Variants in TTC3 observed in about 807,000 individuals in gnomAD.
TTC3 encodes the protein E3 ubiquitin-protein ligase TTC3.
TTC3 carries 180 observed loss-of-function variants against 249.6 expected under a neutral mutation model. That is an observed-to-expected ratio of 0.72 (90% CI 0.64 to 0.82). The LOEUF (loss-of-function observed/expected upper bound fraction) is 0.82, where lower values mean the gene tolerates loss of function less well. Ranked by LOEUF, TTC3 falls within the 40% of genes least tolerant of loss-of-function variation. The probability of loss-of-function intolerance (pLI) is 0.00; values close to 1 mark genes in which losing one functional copy is unlikely to be tolerated. For missense variants in TTC3, 2,061 were observed against 2,398.4 expected, an observed-to-expected ratio of 0.86 and a Z score of 2.94; for synonymous variants, 717 against 805.0, an observed-to-expected ratio of 0.89 and a Z score of 1.85.
intron 20 of TTC3, among the ~76,000 whole-genome samples, chr21:37,144,079 A>C (rs2147977011): frequency 6.6e-6 from 1 of 151,320 alleles, no homozygotes; most frequent in East Asian, 2.0e-4. Context: ...AACATCACAC[A>C]CTGGGGCCTG....
intron 40 of TTC3, 69 bp from the exon 41 acceptor site, chr21:37,192,043 A>G (rs1338718173): frequency 7.4e-6 from 7 of 939,634 alleles, no homozygotes; most frequent in Non-Finnish European, 1.1e-5. Flanking sequence ...TTTCATTTAT[A>G]ATGTGTAGGA....
chr21:37,104,704 T>C (rs2147778341), intron 10 of TTC3, among the ~76,000 whole-genome samples: 1 of 151,818 alleles, frequency 6.6e-6, no homozygotes, highest in East Asian at 1.9e-4. Flanking sequence ...ATGGGAAACA[T>C]GTTTGGAATA....
chr21:37,128,888 A>G, intron 15 of TTC3, 115 bp from the exon 16 acceptor site: 6 of 669,394 alleles, frequency 9.0e-6, no homozygotes, highest in South Asian at 6.5e-5. Context: ...ACACCCACGT[A>G]CCACATTTCT....
exon 46 of TTC3, chr21:37,201,822 G>A: frequency 2.0e-6 from 1 of 499,716 alleles, no homozygotes; most frequent in East Asian, 3.9e-5. Context: ...GGCTGCGCAG[G>A]GCTCTTTGAG....
chr21:37,091,117 A>T (rs2073209886), intron 6 of TTC3, among the ~76,000 whole-genome samples, 176 bp from the exon 7 acceptor site: 1 of 152,184 alleles, frequency 6.6e-6, no homozygotes, highest in African/African-American at 2.4e-5. Context: ...GTATCTGTTA[A>T]TTTATATGTC....
chr21:37,144,730 G>A (rs1007773506), intron 21 of TTC3, 85 bp downstream of exon 21: 10 of 1,496,562 alleles, frequency 6.7e-6, no homozygotes, highest in Non-Finnish European at 8.9e-6. Flanking sequence ...CGGAGAGGTA[G>A]GAGCATTCCA....
intron 1 of TTC3, among the ~76,000 whole-genome samples, chr21:37,074,730 C>T (rs1212278898): frequency 6.6e-6 from 1 of 152,196 alleles, no homozygotes; most frequent in Non-Finnish European, 1.5e-5. Flanking sequence ...GGGTAAGAAA[C>T]TTCAAACCCC....
chr21:37,118,628 T>C (rs916634096), intron 11 of TTC3, among the ~76,000 whole-genome samples: 2 of 152,206 alleles, frequency 1.3e-5, no homozygotes, highest in African/African-American at 2.4e-5. Flanking sequence ...AATTGGCTCA[T>C]GTAACTGAGA....
At position 37,160,864 on chromosome 21, in the gene TTC3, G is replaced by A. The variant is rs1569102201; in HGVS notation, c.3096+6G>A. On this transcript the variant is annotated splice_donor_region_variant and intron_variant, in intron 30 of 45. Coordinates refer to ENST00000355666, the Ensembl canonical transcript of TTC3. ...AGAAGCCAAAGGATTCAAAGGTATG[G>A]AGTATTTTCTGTATTAATTCTTGTC... 7 of 1,612,052 alleles carry A rather than the reference G, an allele frequency of 4.3e-6. No homozygotes were observed. The highest frequency in any genetic ancestry group is 5.1e-6 in the Non-Finnish European group (6 of 1,179,156).
intron 18 of TTC3, among the ~76,000 whole-genome samples, chr21:37,135,735 T>G (rs1380826250): frequency 6.6e-6 from 1 of 152,216 alleles, no homozygotes; most frequent in East Asian, 1.9e-4. Flanking sequence ...GACTATAGTT[T>G]AGGGTCATTA....
chr21:37,165,160 G>A (rs1380355292), intron 32 of TTC3, among the ~76,000 whole-genome samples: 1 of 152,054 alleles, frequency 6.6e-6, no homozygotes, highest in Non-Finnish European at 1.5e-5. Flanking sequence ...AATTCAAATA[G>A]GATTTGTTTT....
At chr21:37,140,306 G>A (rs939307553) in intron 19 of TTC3, among the ~76,000 whole-genome samples, 7 of 152,232 alleles carry the variant, frequency 4.6e-5, no homozygotes, top group South Asian at 2.1e-4. Context: ...CCCTTAGTGC[G>A]TACTAGTAAA....
intron 35 of TTC3, among the ~76,000 whole-genome samples, chr21:37,178,420 A>T (rs2082454479): frequency 6.6e-6 from 1 of 152,202 alleles, no homozygotes; most frequent in African/African-American, 2.4e-5. Flanking sequence ...TCCTACCAGC[A>T]GTATATAAGG....
At chr21:37,201,655 C>A in exon 46 of TTC3, 1 of 1,533,834 alleles carries the variant, frequency 6.5e-7, no homozygotes, top group Non-Finnish European at 8.8e-7. Context: ...AAAAAACAAA[C>A]ATTTGAAGAC....
Position 37,121,870 on chromosome 21 carries a change from C to T in TTC3, c.954C>T (p.Ala318=), listed in dbSNP as rs1006568838. 3.7e-6 allele frequency: 6 copies of T among 1,611,652 alleles called. No homozygotes were observed. In the African/African-American group the frequency reaches 8.0e-5, roughly 22 times the overall value. ...CTATGCTGGGGGAATATGACTGGGCCCTGCAAGCAAACATAAAAGCTCAAA... is the reference window on the plus strand; with the variant it reads ...CTATGCTGGGGGAATATGACTGGGCTCTGCAAGCAAACATAAAAGCTCAAA... The change falls in exon 12 of 46, where the codon GCC becomes GCT. Residue 318 remains alanine, a synonymous_variant. Coordinates refer to ENST00000355666, the Ensembl canonical transcript of TTC3.
At chr21:37,108,573 G>T (rs533285409) in intron 11 of TTC3, 127 bp downstream of exon 11, 13 of 891,842 alleles carry the variant, frequency 1.5e-5, no homozygotes, top group Admixed American at 8.7e-5. Flanking sequence ...AATGTGAAAG[G>T]GGAGTCATCA....
chr21:37,129,349 T>C (rs2077287359), intron 16 of TTC3, among the ~76,000 whole-genome samples: 1 of 152,112 alleles, frequency 6.6e-6, no homozygotes, highest in Admixed American at 6.5e-5. Context: ...GGAAAAAGCA[T>C]TAAGAGAGAT....
chr21:37,191,469 G>A, intron 40 of TTC3, 45 bp downstream of exon 40: 2 of 1,278,598 alleles, frequency 1.6e-6, no homozygotes, highest in Non-Finnish European at 1.1e-6. Context: ...CTTTATGATA[G>A]TTATAATTCT....
chr21:37,168,537 T>A (rs889181233), intron 34 of TTC3, among the ~76,000 whole-genome samples: 1 of 151,762 alleles, frequency 6.6e-6, no homozygotes, highest in Non-Finnish European at 1.5e-5. Context: ...TAAAGAAAAA[T>A]TTTTAAATGC....
Sources: allele counts gnomAD v4.1 joint callset (sites outside exome capture counted in the v4.1 genomes callset), GRCh38; gene constraint gnomAD v4.1.1; transcripts MANE v1.5; gene names NCBI Gene and HGNC (gene_info 2026-07-23, HGNC 2026-07-21).